GABRA3: variants seen among roughly 807,000 people sequenced by gnomAD.
GABRA3 encodes gamma-aminobutyric acid receptor subunit alpha-3.
GABRA3 carries 10 observed loss-of-function variants against 30.1 expected under a neutral mutation model. The observed-to-expected ratio is 0.33, with a 90% CI of 0.20 to 0.56. The LOEUF (loss-of-function observed/expected upper bound fraction) is 0.56, where lower values mean the gene tolerates loss of function less well. Among genes scored for constraint, GABRA3 ranks in the 20% least tolerant of loss-of-function variants. The pLI, the probability that GABRA3 is intolerant of heterozygous loss-of-function variation, is 0.89. For synonymous variants in GABRA3, 151 were observed against 146.8 expected, an observed-to-expected ratio of 1.03 and a Z score of -0.21; for missense variants, 233 against 392.0, an observed-to-expected ratio of 0.59 and a Z score of 3.42.
At chrX:152,225,130 A>AC (rs80164841) in intron 5 of GABRA3, among the ~76,000 whole-genome samples, 4,994 of 105,806 alleles carry the variant, frequency 0.047, 306 homozygotes, top group East Asian at 0.36. Context: ...TTCCTTAGAC[A>AC]CCCCCCCCAA....
At chrX:152,378,241 G>A (rs1199382908) in intron 1 of GABRA3, among the ~76,000 whole-genome samples, 1 of 111,837 alleles carries the variant, frequency 8.9e-6, no homozygotes, top group Non-Finnish European at 1.9e-5. Context: ...TAGGCACAAT[G>A]AGAGAGAAAC....
At position 152,228,510 on chromosome X, in the gene GABRA3, C is replaced by A. The variant is rs1938007397; in HGVS notation, c.552-3665G>T. On this transcript the variant is annotated intron_variant, in intron 5 of 9. Transcript: ENST00000370314. Reference sequence around the variant, plus strand: ...GCTGGCTAGACATAAAGTAATTTCCCCTTGGCATTACTCATAAGAGGCAGT... The same window carrying A: ...GCTGGCTAGACATAAAGTAATTTCCACTTGGCATTACTCATAAGAGGCAGT... Among the ~76,000 whole-genome samples the A allele has an allele frequency of 2.7e-5, 3 of 111,511 alleles. 1 individual carries two copies. The highest frequency in any genetic ancestry group is 9.8e-5 in the African/African-American group (3 of 30,715).
At chrX:152,294,303 T>G (rs1434115290) in intron 3 of GABRA3, among the ~76,000 whole-genome samples, 1 of 111,538 alleles carries the variant, frequency 9.0e-6, no homozygotes, top group African/African-American at 3.3e-5. Flanking sequence ...AGTCCCATAT[T>G]TCTTGGAGGC....
Position 152,167,830 on chromosome X carries a change from T to G in GABRA3, c.*398A>C. 6.3e-6 allele frequency: 1 copy of G among 159,197 alleles called. No homozygotes were observed. Among genetic ancestry groups the G allele is most frequent in the Non-Finnish European group, 1.2e-5 (1 of 83,055 alleles). The allele number at this position is 159,197 out of a possible 1,213,427, so 13.1% of individuals were successfully genotyped here. A position where few individuals can be genotyped will look rare whatever the true frequency, so the allele number is the denominator to read the frequency against. On this transcript the variant is annotated 3_prime_UTR_variant, in exon 10 of 10. Coordinates refer to ENST00000370314, the MANE Select transcript of GABRA3 (RefSeq NM_000808.4). ...TGCCTAGTAAGTTAGAGTCATCTGA[T>G]CTAGATGGGAGTCAACAATTCTCCT...
intron 1 of GABRA3, among the ~76,000 whole-genome samples, chrX:152,448,709 C>T (rs1168559442): frequency 1.8e-5 from 2 of 111,838 alleles, no homozygotes; most frequent in East Asian, 5.6e-4. Flanking sequence ...ACCACTATTT[C>T]AAATGTGGTA....
intron 1 of GABRA3, among the ~76,000 whole-genome samples, chrX:152,420,187 A>G (rs1255948756): frequency 9.0e-6 from 1 of 111,727 alleles, no homozygotes; most frequent in Non-Finnish European, 1.9e-5. Flanking sequence ...TGAAATAATG[A>G]GAAATTTCCC....
intron 4 of GABRA3, among the ~76,000 whole-genome samples, chrX:152,279,169 A>T (rs1265089860): frequency 9.0e-6 from 1 of 111,409 alleles, no homozygotes; most frequent in Non-Finnish European, 1.9e-5. Context: ...GGTGTTTTAG[A>T]TATGAAGTCT....
chrX:152,384,129 C>G (rs2124509540), intron 1 of GABRA3, among the ~76,000 whole-genome samples: 1 of 111,316 alleles, frequency 9.0e-6, no homozygotes, highest in Non-Finnish European at 1.9e-5. Flanking sequence ...CCATTTATAA[C>G]AGCAACAAAA....
intron 3 of GABRA3, among the ~76,000 whole-genome samples, chrX:152,341,575 C>A (rs1174133869): frequency 1.1e-5 from 1 of 93,310 alleles, no homozygotes. Context: ...GAGTCTTGCT[C>A]TGTTGCCAGG....
At position 152,168,414 on chromosome X, in the gene GABRA3, A is replaced by C. The variant is rs200762621; in HGVS notation, c.1293T>G (p.Ile431Met). The stretch of plus-strand genomic sequence containing the variant: ...GCACGTAGGTGGCCTTGGGTGAAGC[A>C]ATGATTGTTGGGGTTGAGGAGGCAC... ...APSASSTPTIIASPKATYVQD... is the reference protein window; with the variant it reads ...APSASSTPTIMASPKATYVQD... The change falls in exon 10 of 10, where the codon ATT becomes ATG. Residue 431 changes from isoleucine (I) to methionine (M), a missense_variant. By Grantham distance (10) the Ile-to-Met change is conservative (BLOSUM62 1). This residue lies in a region of GABRA3 where 66 missense variants were observed against 57.1 expected (regional missense o/e 1.16). Transcript: ENST00000370314. The C allele has an allele frequency of 5.0e-6, 6 of 1,210,230 alleles. No individual in the cohort carries two copies. The highest frequency in any genetic ancestry group is 1.7e-5 in the African/African-American group (1 of 57,191).
chrX:152,286,559 G>A (rs1286644099), intron 3 of GABRA3, among the ~76,000 whole-genome samples: 5 of 111,308 alleles, frequency 4.5e-5, no homozygotes, highest in Non-Finnish European at 9.4e-5. Flanking sequence ...CTCACGGAAA[G>A]GTAGGGAACA....
At chrX:152,433,513 T>C (rs765631631) in intron 1 of GABRA3, among the ~76,000 whole-genome samples, 44 of 109,345 alleles carry the variant, frequency 4.0e-4, no homozygotes, top group Admixed American at 3.4e-3. Context: ...TCAAAAACTA[T>C]GTAATGTAGC....
chrX:152,169,637 C>T (rs1326292903), intron 9 of GABRA3, among the ~76,000 whole-genome samples: 4 of 111,838 alleles, frequency 3.6e-5, no homozygotes, highest in Non-Finnish European at 7.5e-5. Flanking sequence ...AATGCAGTGG[C>T]CTAGCTCATA....
chrX:152,420,837 A>G, intron 1 of GABRA3, among the ~76,000 whole-genome samples: 1 of 110,791 alleles, frequency 9.0e-6, no homozygotes, highest in South Asian at 3.9e-4. Flanking sequence ...TGTGTCCCCA[A>G]ACAAATCTCA....
intron 9 of GABRA3, among the ~76,000 whole-genome samples, 171 bp from the exon 10 acceptor site, chrX:152,168,734 G>A (rs1936968022): frequency 8.9e-6 from 1 of 112,410 alleles, no homozygotes; most frequent in Non-Finnish European, 1.9e-5. Context: ...AGGAATAACT[G>A]AAGATGAGTA....
chrX:152,232,486 T>A (rs1938101209), intron 5 of GABRA3, among the ~76,000 whole-genome samples: 1 of 110,316 alleles, frequency 9.1e-6, no homozygotes, highest in Non-Finnish European at 1.9e-5. Context: ...CATTATTTAG[T>A]TCCCACTTAT....
Position 152,272,365 on chromosome X carries a change from C to T in GABRA3, c.330+12303G>A, listed in dbSNP as rs758395118. On this transcript the variant is annotated intron_variant, in intron 4 of 9. Coordinates refer to ENST00000370314, the MANE Select transcript of GABRA3 (RefSeq NM_000808.4). ...TGGAACTTGAAGATTTAATGACTGC[C>T]CTATTGGATTTTGGACACGCATGGG... 2.7e-5 allele frequency among the ~76,000 whole-genome samples: 3 copies of T among 112,435 alleles called. No homozygotes were observed. The South Asian group carries it at 1.1e-3, about 41-fold the overall frequency.
chrX:152,288,119 G>A (rs1247765850), intron 3 of GABRA3, among the ~76,000 whole-genome samples: 6 of 111,971 alleles, frequency 5.4e-5, no homozygotes, highest in African/African-American at 1.9e-4. Context: ...TCATAAGTGA[G>A]AGAGGGCTCT....
At chrX:152,357,130 A>T (rs969564378) in intron 2 of GABRA3, among the ~76,000 whole-genome samples, 1 of 111,762 alleles carries the variant, frequency 8.9e-6, no homozygotes, top group Admixed American at 9.5e-5. Flanking sequence ...CCTGGGTCAA[A>T]TAGTAATTCC....
Sources: gnomAD v4.1 joint callset for allele counts (sites outside exome capture counted in the v4.1 genomes callset) on GRCh38, gnomAD v4.1.1 for gene constraint, gnomAD v4.1.1 regional missense constraint, MANE v1.5 for transcripts, NCBI Gene and HGNC (gene_info 2026-07-23, HGNC 2026-07-21) for gene names.